Variants in KPNA7 observed in about 807,000 individuals in gnomAD.
KPNA7 encodes importin subunit alpha-8.
Under a neutral mutation model 53.7 loss-of-function variants are expected in KPNA7, and 54 were observed. The ratio of observed to expected loss-of-function variants is 1.01; its 90% CI spans 0.81 to 1.26. The LOEUF (loss-of-function observed/expected upper bound fraction) is 1.26. Ranked by LOEUF, KPNA7 falls within the 50% of genes most tolerant of loss-of-function variation. The pLI, the probability that KPNA7 is intolerant of heterozygous loss-of-function variation, is 0.00. For missense variants in KPNA7, 640 were observed against 644.5 expected (o/e 0.99, Z 0.07); for synonymous variants, 276 against 259.3 (o/e 1.06, Z -0.62).
chr7:99,207,882 C>A (rs1223033990), intron 1 of KPNA7, among the ~76,000 whole-genome samples, 146 bp downstream of exon 1: 1 of 151,608 alleles, frequency 6.6e-6, no homozygotes, highest in Non-Finnish European at 1.5e-5. Context: ...GATCCGCCCA[C>A]CTCGGCCTCC....
chr7:99,161,054 G>A, the KPNA7 span, among the ~76,000 whole-genome samples: 4 of 152,094 alleles, frequency 2.6e-5, no homozygotes, highest in African/African-American at 9.7e-5. Flanking sequence ...TAAAGACAGG[G>A]TTTCACCATG....
At chr7:99,159,348 C>CAAAAAAAAAAAAAAAA in the KPNA7 span, among the ~76,000 whole-genome samples, 1 of 58,150 alleles carries the variant, frequency 1.7e-5, no homozygotes, top group Non-Finnish European at 3.4e-5. Flanking sequence ...GACACTGTCT[C>CAAAAAAAAAAAAAAAA]AAAAAAAAAA....
the KPNA7 span, among the ~76,000 whole-genome samples, chr7:99,153,272 T>A: frequency 1.3e-5 from 2 of 152,148 alleles, no homozygotes; most frequent in Non-Finnish European, 2.9e-5. Flanking sequence ...AATATGGTAT[T>A]TGGGGCTGGA....
chr7:99,195,372 G>T (rs977913733), intron 4 of KPNA7, 34 bp from the exon 5 acceptor site: 2 of 1,542,140 alleles, frequency 1.3e-6, no homozygotes, highest in Non-Finnish European at 1.8e-6. Context: ...GGGAGGGGGA[G>T]GTCAAGTGAG....
In KPNA7 at chr7:99,178,077, G is replaced by T; in HGVS notation, c.1318-11C>A. The stretch of plus-strand genomic sequence containing the variant: ...CCGTTTCTCTGCCGCCTGTGACCAA[G>T]TACAAGGGGACATGAGACCCCCGGC... On this transcript the variant is annotated splice_polypyrimidine_tract_variant and intron_variant, in intron 9 of 10. Coordinates refer to ENST00000327442, the MANE Select transcript of KPNA7 (RefSeq NM_001145715.3). The T allele has an allele frequency of 6.4e-7, 1 of 1,550,582 alleles. No individual in the cohort carries two copies. Among genetic ancestry groups the T allele is most frequent in the Non-Finnish European group, 8.7e-7 (1 of 1,146,452 alleles).
chr7:99,179,594 T>G (rs1799072538), intron 9 of KPNA7, among the ~76,000 whole-genome samples: 1 of 151,434 alleles, frequency 6.6e-6, no homozygotes, highest in Admixed American at 6.6e-5. Flanking sequence ...ATATTTTTAT[T>G]TATTTTTAGA....
intron 3 of KPNA7, among the ~76,000 whole-genome samples, chr7:99,199,139 T>C (rs1790383046): frequency 6.7e-6 from 1 of 148,518 alleles, no homozygotes; most frequent in African/African-American, 2.5e-5. Flanking sequence ...GACTTAACAT[T>C]GTTAAGATGG....
At chr7:99,203,616 G>A (rs1449723244) in intron 2 of KPNA7, among the ~76,000 whole-genome samples, 5 of 152,108 alleles carry the variant, frequency 3.3e-5, no homozygotes, top group East Asian at 1.9e-4. Context: ...AGGCCTTTTC[G>A]GTGGTGGCTA....
intron 3 of KPNA7, among the ~76,000 whole-genome samples, chr7:99,198,770 T>C (rs376560586): frequency 9.2e-5 from 14 of 152,272 alleles, no homozygotes; most frequent in African/African-American, 3.4e-4. Flanking sequence ...TTGGAAGTTC[T>C]AGATGCATTA....
At chr7:99,194,259 G>C (rs1223334016) in intron 5 of KPNA7, among the ~76,000 whole-genome samples, 3 of 152,184 alleles carry the variant, frequency 2.0e-5, no homozygotes, top group African/African-American at 7.2e-5. Context: ...GCAGGAAAGA[G>C]CATCGATTGC....
At chr7:99,157,952 A>AT in the KPNA7 span, among the ~76,000 whole-genome samples, 60 of 148,432 alleles carry the variant, frequency 4.0e-4, no homozygotes, top group Non-Finnish European at 7.7e-4. Flanking sequence ...TTTTTTTTTG[A>AT]TTTTTTGTAG....
rs367771020 is a variant in KPNA7 at position 99,213,261 on chromosome 7, G to T, written c.-23-5772C>A. Among the ~76,000 whole-genome samples the T allele has an allele frequency of 6.6e-5, 10 of 151,482 alleles. No homozygotes were observed. The South Asian group carries it at 2.1e-3, about 32-fold the overall frequency. On this transcript the variant is annotated intron_variant, in intron 1 of 10. Coordinates refer to the KPNA7 transcript ENST00000681060. ...CCTGTCTCAGCCTCCCAAGTAGCTG[G>T]AACTAAAGGCTCACACCACCACACC...
At chr7:99,181,807 T>C (rs1177239927) in intron 9 of KPNA7, 76 bp downstream of exon 9, 68 of 1,288,874 alleles carry the variant, frequency 5.3e-5, no homozygotes, top group Non-Finnish European at 7.0e-5. Context: ...ACAACTTGAA[T>C]TTTAAGAGCC....
intron 4 of KPNA7, among the ~76,000 whole-genome samples, chr7:99,195,752 C>T (rs571730039): frequency 5.9e-5 from 9 of 152,138 alleles, no homozygotes; most frequent in East Asian, 1.9e-4. Flanking sequence ...ATAGCTGGGC[C>T]GGAGCTACTT....
chr7:99,207,838 G>GT (rs1243998055), intron 1 of KPNA7, among the ~76,000 whole-genome samples, 190 bp downstream of exon 1: 1 of 151,520 alleles, frequency 6.6e-6, no homozygotes, highest in Non-Finnish European at 1.5e-5. Context: ...GTTTCACCAC[G>GT]TTGGCCAGGC....
At chr7:99,167,981 T>TCCCCCCCCCCCCCCCCCC in the KPNA7 span, among the ~76,000 whole-genome samples, 2 of 137,538 alleles carry the variant, frequency 1.5e-5, no homozygotes, top group African/African-American at 5.5e-5. Flanking sequence ...CCCAAACCAT[T>TCCCCCCCCCCCCCCCCCC]CCCCCACCCC....
intron 5 of KPNA7, among the ~76,000 whole-genome samples, chr7:99,193,669 T>C (rs1199668000): frequency 6.8e-6 from 1 of 147,784 alleles, no homozygotes; most frequent in Non-Finnish European, 1.5e-5. Context: ...TGCAGCCTTT[T>C]ATTTTTTTTT....
chr7:99,146,770 C>T, the KPNA7 span, among the ~76,000 whole-genome samples: 1 of 143,116 alleles, frequency 7.0e-6, no homozygotes, highest in African/African-American at 2.7e-5. Context: ...GCATTTACTA[C>T]ACCTAAGCTA....
Position 99,195,145 on chromosome 7 carries a change from G to C in KPNA7, c.478C>G (p.Pro160Ala), listed in dbSNP as rs1790159164. 2 of 1,551,560 alleles carry C rather than the reference G, an allele frequency of 1.3e-6. No individual in the cohort carries two copies. Among genetic ancestry groups the C allele is most frequent in the Non-Finnish European group, 1.7e-6 (2 of 1,147,000 alleles). Reference sequence around the variant, plus strand: ...GAGGAAGACAGGAGCTCAATCAAGGGCTGGATGGCTCCCCCTTCTACCACG... The same window carrying C: ...GAGGAAGACAGGAGCTCAATCAAGGCCTGGATGGCTCCCCCTTCTACCACG... ...RAVVEGGAIQ[P>A]LIELLSSSNV... Residue 160 changes from proline (P) to alanine (A), a missense_variant, in exon 5 of 11, where the codon CCC (proline) becomes GCC (alanine). Pro to Ala is a conservative substitution (Grantham distance 27). Coordinates refer to ENST00000327442, the MANE Select transcript of KPNA7 (RefSeq NM_001145715.3).
Sources: allele counts gnomAD v4.1 joint callset (sites outside exome capture counted in the v4.1 genomes callset), GRCh38; gene constraint gnomAD v4.1.1; transcripts MANE v1.5; gene names NCBI Gene and HGNC (gene_info 2026-07-23, HGNC 2026-07-21).